Variants in KLHL1 observed in about 807,000 individuals in gnomAD.
KLHL1 encodes kelch like family member 1.
KLHL1 carries 47 observed loss-of-function variants against 77.7 expected under a neutral mutation model. That is an observed-to-expected ratio of 0.60 (90% CI 0.48 to 0.77). The LOEUF is 0.77. Among genes scored for constraint, KLHL1 ranks in the 30% least tolerant of loss-of-function variants. The pLI is 0.00. For synonymous variants in KLHL1, 360 were observed against 325.2 expected (o/e 1.11, Z -1.15); for missense variants, 925 against 910.8 (o/e 1.02, Z -0.20).
intron 5 of KLHL1, among the ~76,000 whole-genome samples, chr13:69,870,781 T>C (rs543130177): frequency 2.2e-4 from 33 of 152,080 alleles, no homozygotes; most frequent in African/African-American, 7.7e-4. Context: ...CATTAAATCT[T>C]GACACTCCAA....
intron 1 of KLHL1, among the ~76,000 whole-genome samples, chr13:70,102,966 TACAG>T (rs1887959463): frequency 6.6e-6 from 1 of 152,258 alleles, no homozygotes; most frequent in Middle Eastern, 3.4e-3. Flanking sequence ...GAAATTCACT[TACAG>T]ACAAACAAAA....
At chr13:69,742,496 A>G (rs1437326928) in intron 7 of KLHL1, among the ~76,000 whole-genome samples, 2 of 152,144 alleles carry the variant, frequency 1.3e-5, no homozygotes, top group Non-Finnish European at 2.9e-5. Context: ...TCATTGAATG[A>G]CCTTTATGTG....
At chr13:69,996,910 A>ATTTTTTTTTTTTTTTTTTTTTTT (rs10549532) in intron 1 of KLHL1, among the ~76,000 whole-genome samples, 3 of 71,240 alleles carry the variant, frequency 4.2e-5, no homozygotes, top group African/African-American at 5.6e-5. Flanking sequence ...TATTCATTAA[A>ATTTTTTTTTTTTTTTTTTTTTTT]TTTTTTTTTT....
intron 1 of KLHL1, among the ~76,000 whole-genome samples, chr13:69,990,126 C>T (rs1476730429): frequency 6.6e-6 from 1 of 151,864 alleles, no homozygotes; most frequent in African/African-American, 2.4e-5. Context: ...CAAGCAAATG[C>T]TGAAGGAATT....
At chr13:69,857,473 CCA>C (rs1879965492) in intron 5 of KLHL1, among the ~76,000 whole-genome samples, 1 of 151,926 alleles carries the variant, frequency 6.6e-6, no homozygotes, top group African/African-American at 2.4e-5. Flanking sequence ...AAAAGGTCTG[CCA>C]CAGAGTTGAC....
At chr13:70,000,641 A>G (rs1037527342) in intron 1 of KLHL1, among the ~76,000 whole-genome samples, 27 of 151,866 alleles carry the variant, frequency 1.8e-4, no homozygotes, top group African/African-American at 6.3e-4. Context: ...TTAAGAATAT[A>G]TAGCTAACAT....
chr13:69,789,041 ATCTATCT>A (rs1345927509), intron 7 of KLHL1, among the ~76,000 whole-genome samples: 1 of 64,606 alleles, frequency 1.5e-5, no homozygotes, highest in Non-Finnish European at 3.5e-5. Context: ...CTATCTATCT[ATCTATCT>A]ATCTATCTAT....
intron 5 of KLHL1, among the ~76,000 whole-genome samples, chr13:69,881,732 G>C (rs1880997805): frequency 6.6e-6 from 1 of 151,016 alleles, no homozygotes; most frequent in Non-Finnish European, 1.5e-5. Flanking sequence ...GGTGTCTAGA[G>C]GCTTCTTAAC....
chr13:69,972,857 A>G (rs1884430279), intron 2 of KLHL1, among the ~76,000 whole-genome samples: 2 of 151,908 alleles, frequency 1.3e-5, no homozygotes, highest in Admixed American at 6.6e-5. Flanking sequence ...CAAATATCCA[A>G]TTTTAATATT....
At chr13:69,740,675 A>T (rs7331253) in intron 7 of KLHL1, 119 bp from the exon 8 acceptor site, 212,494 of 631,268 alleles carry the variant, frequency 0.34, 37,443 homozygotes, top group African/African-American at 0.47. Context: ...ATGAAAAAAA[A>T]TTAAAAATTG....
intron 6 of KLHL1, among the ~76,000 whole-genome samples, chr13:69,832,357 C>CA: frequency 1.3e-5 from 2 of 149,208 alleles, no homozygotes; most frequent in Middle Eastern, 6.9e-3. Context: ...AAATAGCTGC[C>CA]AAAAAATAAT....
intron 4 of KLHL1, among the ~76,000 whole-genome samples, chr13:69,936,738 T>C (rs1266854693): frequency 1.3e-5 from 2 of 152,042 alleles, no homozygotes; most frequent in Non-Finnish European, 2.9e-5. Context: ...TAAACAGCCA[T>C]TGAAAAAACT....
chr13:69,977,427 C>T (rs1025965635), intron 1 of KLHL1, among the ~76,000 whole-genome samples: 6 of 151,594 alleles, frequency 4.0e-5, no homozygotes, highest in African/African-American at 1.5e-4. Flanking sequence ...AAACAAATGA[C>T]GGTATGAAAA....
intron 4 of KLHL1, among the ~76,000 whole-genome samples, chr13:69,909,714 G>A (rs1332409998): frequency 1.3e-5 from 2 of 151,988 alleles, no homozygotes; most frequent in African/African-American, 2.4e-5. Context: ...AGATATGGCT[G>A]TGTGAAGATA....
chr13:70,053,667 G>C (rs1427936028), intron 1 of KLHL1, among the ~76,000 whole-genome samples: 2 of 152,056 alleles, frequency 1.3e-5, no homozygotes, highest in Non-Finnish European at 2.9e-5. Context: ...ATCTTCCAAG[G>C]TTTTGTACCA....
At chr13:69,917,768 G>A (rs187990223) in intron 4 of KLHL1, among the ~76,000 whole-genome samples, 2 of 151,974 alleles carry the variant, frequency 1.3e-5, no homozygotes, top group Admixed American at 6.6e-5. Flanking sequence ...TTGAATTTTG[G>A]TATCACATAA....
At chr13:69,868,873 T>C (rs1021882212) in intron 5 of KLHL1, among the ~76,000 whole-genome samples, 3 of 152,140 alleles carry the variant, frequency 2.0e-5, no homozygotes, top group Admixed American at 6.6e-5. Flanking sequence ...CCTCAATTCC[T>C]ACCTGAAAAA....
chr13:69,782,444 A>G (rs1876275036), intron 7 of KLHL1, among the ~76,000 whole-genome samples: 4 of 152,168 alleles, frequency 2.6e-5, no homozygotes, highest in Admixed American at 2.0e-4. Context: ...GCACCTGGAA[A>G]ATCGGGTCAC....
At chr13:70,057,703 G>A (rs1886779070) in intron 1 of KLHL1, among the ~76,000 whole-genome samples, 1 of 138,868 alleles carries the variant, frequency 7.2e-6, no homozygotes, top group African/African-American at 2.6e-5. Context: ...GTGAACCCGG[G>A]AAGCGGAGCT....
Sources: gnomAD v4.1 joint callset for allele counts (sites outside exome capture counted in the v4.1 genomes callset) on GRCh38, gnomAD v4.1.1 for gene constraint, MANE v1.5 for transcripts, NCBI Gene and HGNC (gene_info 2026-07-23, HGNC 2026-07-21) for gene names.